Variants in DDX31 observed in about 807,000 individuals in gnomAD.
DDX31 encodes the protein ATP-dependent DNA helicase DDX31.
A neutral mutation model predicts 91.3 loss-of-function variants in DDX31; 70 were observed. The observed-to-expected ratio is 0.77, with a 90% CI of 0.63 to 0.94. DDX31 has a LOEUF of 0.94. Among genes scored for constraint, DDX31 ranks in the 40% least tolerant of loss-of-function variants. DDX31 has a pLI of 0.00. For synonymous variants in DDX31, 362 were observed against 350.6 expected (o/e 1.03, Z -0.36); for missense variants, 902 against 925.0 (o/e 0.98, Z 0.32).
chr9:132,650,944 G>A (rs1405813071), intron 8 of DDX31, 131 bp downstream of exon 8: 3 of 930,082 alleles, frequency 3.2e-6, no homozygotes, highest in Admixed American at 2.6e-5. Flanking sequence ...AAACTGCCTA[G>A]AGAGAGCAGA....
intron 19 of DDX31, among the ~76,000 whole-genome samples, chr9:132,600,612 A>G (rs756460899): frequency 3.9e-5 from 6 of 152,212 alleles, no homozygotes; most frequent in Non-Finnish European, 7.3e-5. Context: ...AGGAGAGATC[A>G]TATTTAGATA....
chr9:132,640,584 C>T (rs571448250), intron 14 of DDX31, among the ~76,000 whole-genome samples: 1 of 152,132 alleles, frequency 6.6e-6, no homozygotes, highest in Non-Finnish European at 1.5e-5. Context: ...GTAGCCTCGA[C>T]CTTCTGGGCT....
chr9:132,661,217 C>T lies in DDX31; in HGVS notation c.443G>A (p.Ser148Asn), dbSNP rs773944538. The T allele has an allele frequency of 3.1e-6, 5 of 1,610,630 alleles. No individual in the cohort carries two copies. The highest frequency in any genetic ancestry group is 3.4e-5 in the Admixed American group (2 of 59,398). ...STINTVLKMS[S>N]MTSVQKQSIP... ...AGCCTGAAGTTCTTACCTGGTCATA[C>T]TAGACATTTTTAAGACCGTATTTAT... Residue 148 changes from serine (S) to asparagine (N), a missense_variant, in exon 4 of 20, where the codon AGT becomes AAT. Ser to Asn is a conservative substitution (Grantham distance 46). Transcript: ENST00000372159.
chr9:132,659,806 A>T, intron 4 of DDX31, 26 bp from the exon 5 acceptor site: 1 of 1,608,444 alleles, frequency 6.2e-7, no homozygotes, highest in Non-Finnish European at 8.5e-7. Flanking sequence ...AAAAGAACAC[A>T]CTTTACCTAT....
intron 6 of DDX31, among the ~76,000 whole-genome samples, chr9:132,656,405 T>C (rs1834568441): frequency 6.6e-6 from 1 of 152,192 alleles, no homozygotes; most frequent in South Asian, 2.1e-4. Context: ...ATATGACATA[T>C]AACCAATCAA....
At chr9:132,604,611 C>T (rs995135830) in intron 19 of DDX31, among the ~76,000 whole-genome samples, 2 of 152,070 alleles carry the variant, frequency 1.3e-5, no homozygotes, top group East Asian at 3.8e-4. Context: ...GTCAAGTTCA[C>T]GGTCACTTCT....
chr9:132,632,298 A>ACACACACACG (rs1564306044), intron 14 of DDX31, among the ~76,000 whole-genome samples: 1 of 130,954 alleles, frequency 7.6e-6, no homozygotes. Context: ...ACACACACAC[A>ACACACACACG]GTCCTGCATA....
chr9:132,669,505 C>G, intron 1 of DDX31: 1 of 1,247,050 alleles, frequency 8.0e-7, no homozygotes, highest in Non-Finnish European at 1.1e-6. Flanking sequence ...CGCACTCAGT[C>G]GAGGAAACTG....
chr9:132,667,608 A>C (rs1013889083), intron 1 of DDX31, among the ~76,000 whole-genome samples: 1 of 151,928 alleles, frequency 6.6e-6, no homozygotes, highest in Non-Finnish European at 1.5e-5. Flanking sequence ...ATCTCAAAAA[A>C]ACAAAACAAA....
intron 15 of DDX31, among the ~76,000 whole-genome samples, chr9:132,630,752 G>C (rs1012323538): frequency 4.6e-5 from 7 of 152,224 alleles, no homozygotes; most frequent in African/African-American, 1.7e-4. Context: ...AGGCAGGTGG[G>C]GGTAAATTTC....
At chr9:132,645,199 G>C (rs889795179) in intron 13 of DDX31, among the ~76,000 whole-genome samples, 1 of 152,116 alleles carries the variant, frequency 6.6e-6, no homozygotes, top group African/African-American at 2.4e-5. Context: ...ATTCCAGTGA[G>C]TATATCTCAC....
intron 16 of DDX31, among the ~76,000 whole-genome samples, chr9:132,626,150 A>C (rs1832378063): frequency 6.6e-6 from 1 of 152,030 alleles, no homozygotes; most frequent in African/African-American, 2.4e-5. Context: ...AAAAAAAAAA[A>C]AAAAGGAAGA....
intron 1 of DDX31, among the ~76,000 whole-genome samples, chr9:132,665,641 G>GT (rs1015620995): frequency 6.6e-5 from 10 of 152,234 alleles, no homozygotes; most frequent in African/African-American, 2.4e-4. Context: ...TAAAAAATTC[G>GT]TTTGAGTCTC....
chr9:132,646,156 A>G, intron 12 of DDX31, 85 bp from the exon 13 acceptor site: 1 of 1,363,728 alleles, frequency 7.3e-7, no homozygotes, highest in Non-Finnish European at 9.9e-7. Flanking sequence ...CTATACAGTC[A>G]TGCTGACCCC....
Position 132,647,016 on chromosome 9 carries a change from C to A in DDX31, c.1010G>T (p.Ser337Ile), listed in dbSNP as rs1435907354. 2.5e-6 allele frequency: 4 copies of A among 1,614,232 alleles called. No individual in the cohort carries two copies. The highest frequency in any genetic ancestry group is 1.1e-5 in the South Asian group (1 of 91,084). ...ATGGCTCTTGTCCAGGACAGAAATA[C>A]TGACTGGATCATGCAAACTGATATC... ...LADISLHDPV[S>I]ISVLDKSHDQ... Residue 337 changes from serine (S) to isoleucine (I), a missense_variant, in exon 12 of 20, where the codon AGT becomes ATT. Ser to Ile is a moderately radical substitution (Grantham distance 142). Transcript: ENST00000372159.
intron 14 of DDX31, among the ~76,000 whole-genome samples, chr9:132,637,573 C>G (rs761488095): frequency 1.8e-4 from 28 of 152,336 alleles, no homozygotes; most frequent in Admixed American, 3.3e-4. Flanking sequence ...ACACTCGCCT[C>G]TGACGCCTTC....
At chr9:132,643,741 G>A (rs896739925) in intron 13 of DDX31, among the ~76,000 whole-genome samples, 1 of 152,136 alleles carries the variant, frequency 6.6e-6, no homozygotes, top group African/African-American at 2.4e-5. Context: ...GCTGTGTTCC[G>A]GAGTCAGTGC....
Position 132,658,677 on chromosome 9 carries a change from T to G in DDX31, c.582A>C (p.Lys194Asn). Residue 194 changes from lysine (K) to asparagine (N), a missense_variant, in exon 6 of 20, where the codon AAA (lysine) becomes AAC (asparagine). Coordinates refer to ENST00000372159, the MANE Select transcript of DDX31 (RefSeq NM_022779.9). ...AAACACATTTGATACACACCTGTAT[T>G]TTTGACTCCATTGCTTGAAGGGACT... is the stretch of plus-strand genomic sequence containing the variant. ...VVQSLQAMES[K>N]IQRSDGPYAL... is the part of the protein sequence containing the mutation. 6.2e-7 allele frequency: 1 copy of G among 1,613,902 alleles called. No homozygotes were observed. The highest frequency in any genetic ancestry group is 2.2e-5 in the East Asian group (1 of 44,872).
At chr9:132,669,820 C>CCG in intron 1 of DDX31, 40 bp downstream of exon 1, 2 of 1,536,212 alleles carry the variant, frequency 1.3e-6, no homozygotes, top group Non-Finnish European at 1.7e-6. Flanking sequence ...CACAGCCGGG[C>CCG]CGCGGGTGGG....
Sources: allele counts gnomAD v4.1 joint callset (sites outside exome capture counted in the v4.1 genomes callset), GRCh38; gene constraint gnomAD v4.1.1; transcripts MANE v1.5; gene names NCBI Gene and HGNC (gene_info 2026-07-23, HGNC 2026-07-21).